The following RBFOX1 variants were observed in gnomAD, a reference collection of about 807,000 sequenced individuals.
RBFOX1 encodes the protein RNA binding fox-1 homolog 1, also known as RNA binding protein fox-1 homolog 1.
In RBFOX1, 8 loss-of-function variants were observed where a neutral mutation model predicts 57.7. That is an observed-to-expected ratio of 0.14 (90% CI 0.08 to 0.25). RBFOX1 has a LOEUF of 0.25. Among genes scored for constraint, RBFOX1 ranks in the 10% least tolerant of loss-of-function variants. The probability of loss-of-function intolerance (pLI) is 1.00; values close to 1 mark genes in which losing one functional copy is unlikely to be tolerated. For missense variants in RBFOX1, 611 were observed against 548.5 expected (o/e 1.11, Z -1.14); for synonymous variants, 326 against 222.4 (o/e 1.47, Z -4.15).
At chr16:7,503,166 A>C (rs1416246303) in intron 4 of RBFOX1, among the ~76,000 whole-genome samples, 1 of 152,176 alleles carries the variant, frequency 6.6e-6, no homozygotes, top group Non-Finnish European at 1.5e-5. Context: ...TGGGGAGAGT[A>C]TTTGATTATC....
In RBFOX1 at chr16:7,176,859, CAGAG is replaced by C. The variant is rs1275057931; in HGVS notation, c.27+124765_27+124768del. Among the ~76,000 whole-genome samples the C allele has an allele frequency of 3.9e-5, 6 of 152,052 alleles. No individual in the cohort carries two copies. The South Asian group carries it at 6.2e-4, about 16-fold the overall frequency. On this transcript the variant is annotated intron_variant, in intron 4 of 15. Coordinates refer to ENST00000550418, the MANE Select transcript of RBFOX1 (RefSeq NM_018723.4). ...AAGAAAAAAATACAGAAATGTAAGA[CAGAG>C]AGAAAGCAGGAATGGGGGGAGAGGA...
chr16:7,583,652 T>A (rs973229826), intron 6 of RBFOX1, among the ~76,000 whole-genome samples: 1 of 152,184 alleles, frequency 6.6e-6, no homozygotes, highest in Non-Finnish European at 1.5e-5. Flanking sequence ...ACACCCTTGT[T>A]GATTCCACAG....
At chr16:7,698,968 T>G (rs1039404626) in intron 14 of RBFOX1, among the ~76,000 whole-genome samples, 5 of 152,302 alleles carry the variant, frequency 3.3e-5, no homozygotes, top group African/African-American at 9.6e-5. Flanking sequence ...ATGCAGAATT[T>G]TAAAAAATGG....
chr16:5,687,868 C>T (rs563644020), intron 3 of RBFOX1, among the ~76,000 whole-genome samples: 57 of 152,254 alleles, frequency 3.7e-4, no homozygotes, highest in African/African-American at 1.4e-3. Flanking sequence ...TGGTTGGCAT[C>T]CCCTGTGTAC....
chr16:6,408,194 T>C (rs1385759732), intron 2 of RBFOX1, among the ~76,000 whole-genome samples: 1 of 152,144 alleles, frequency 6.6e-6, no homozygotes, highest in Non-Finnish European at 1.5e-5. Flanking sequence ...GTGTCTAAGG[T>C]ATTTTGTTAT....
chr16:6,762,229 T>G (rs906239860), intron 3 of RBFOX1, among the ~76,000 whole-genome samples: 2 of 152,150 alleles, frequency 1.3e-5, no homozygotes, highest in African/African-American at 4.8e-5. Flanking sequence ...TAATTGCAAA[T>G]AATCTATTAT....
intron 3 of RBFOX1, among the ~76,000 whole-genome samples, chr16:6,834,105 C>T (rs143005821): frequency 6.6e-6 from 1 of 151,934 alleles, no homozygotes; most frequent in Non-Finnish European, 1.5e-5. Flanking sequence ...CCCTCTTTCG[C>T]CCGGGCTGGT....
chr16:6,311,975 C>G (rs1049170531), intron 1 of RBFOX1, among the ~76,000 whole-genome samples: 1 of 152,174 alleles, frequency 6.6e-6, no homozygotes, highest in African/African-American at 2.4e-5. Context: ...ACGCCAGACA[C>G]CTGAATGAGG....
At chr16:5,802,827 A>G (rs895663404) in intron 3 of RBFOX1, among the ~76,000 whole-genome samples, 3 of 152,230 alleles carry the variant, frequency 2.0e-5, no homozygotes, top group African/African-American at 7.2e-5. Context: ...ATATGAATGT[A>G]TGAATCTCGC....
At chr16:7,561,061 C>T (rs1417597917) in intron 5 of RBFOX1, among the ~76,000 whole-genome samples, 4 of 152,172 alleles carry the variant, frequency 2.6e-5, no homozygotes, top group Admixed American at 1.3e-4. Flanking sequence ...ATCCTTCAGT[C>T]CCCATATGTA....
intron 2 of RBFOX1, among the ~76,000 whole-genome samples, chr16:6,554,660 A>T (rs189437696): frequency 9.2e-5 from 14 of 152,256 alleles, no homozygotes; most frequent in Admixed American, 9.2e-4. Flanking sequence ...ATTTGTGCAG[A>T]CTTGTCCATC....
At chr16:5,297,120 T>C (rs886719089) in intron 1 of RBFOX1, among the ~76,000 whole-genome samples, 3 of 152,220 alleles carry the variant, frequency 2.0e-5, no homozygotes, top group African/African-American at 4.8e-5. Flanking sequence ...GGCTGAGTGG[T>C]ATTCCATTGT....
chr16:5,762,907 C>T (rs1395896482), intron 3 of RBFOX1, among the ~76,000 whole-genome samples: 1 of 152,118 alleles, frequency 6.6e-6, no homozygotes, highest in Non-Finnish European at 1.5e-5. Context: ...GGAAGAAAAC[C>T]TCTTGAAGGA....
At chr16:7,133,479 T>C (rs2071074000) in intron 4 of RBFOX1, among the ~76,000 whole-genome samples, 1 of 152,154 alleles carries the variant, frequency 6.6e-6, no homozygotes, top group Non-Finnish European at 1.5e-5. Context: ...TAGAGGCAAT[T>C]CAGTAATTTT....
chr16:7,150,994 A>G (rs1453028299), intron 4 of RBFOX1, among the ~76,000 whole-genome samples: 1 of 152,160 alleles, frequency 6.6e-6, no homozygotes, highest in Non-Finnish European at 1.5e-5. Context: ...CTTGGCAGAC[A>G]CTTTCTGAAA....
intron 2 of RBFOX1, among the ~76,000 whole-genome samples, chr16:6,647,905 A>G (rs1469396794): frequency 2.0e-5 from 3 of 152,140 alleles, no homozygotes; most frequent in Non-Finnish European, 4.4e-5. Flanking sequence ...GTAGTGGTGC[A>G]ATCTCGGCTT....
intron 1 of RBFOX1, among the ~76,000 whole-genome samples, chr16:6,058,350 C>G (rs939365539): frequency 6.6e-6 from 1 of 151,790 alleles, no homozygotes; most frequent in African/African-American, 2.4e-5. Flanking sequence ...TCCTTCCTCC[C>G]TCTCCTTCTC....
At chr16:5,999,091 G>A (rs1168016933) in intron 4 of RBFOX1, among the ~76,000 whole-genome samples, 1 of 152,204 alleles carries the variant, frequency 6.6e-6, no homozygotes, top group Admixed American at 6.5e-5. Flanking sequence ...GTTGAGTGAA[G>A]AAGGAGGCTC....
intron 2 of RBFOX1, among the ~76,000 whole-genome samples, chr16:5,489,295 A>G (rs2042748120): frequency 6.6e-6 from 1 of 152,220 alleles, no homozygotes; most frequent in Admixed American, 6.5e-5. Flanking sequence ...GGGTGAATTG[A>G]GAATTATTAG....
Sources: gnomAD v4.1 joint callset for allele counts (sites outside exome capture counted in the v4.1 genomes callset) on GRCh38, gnomAD v4.1.1 for gene constraint, MANE v1.5 for transcripts, NCBI Gene and HGNC (gene_info 2026-07-23, HGNC 2026-07-21) for gene names.